THEMIS2: variants seen among roughly 807,000 people sequenced by gnomAD.
THEMIS2 encodes the protein thymocyte selection associated family member 2.
In THEMIS2, 29 loss-of-function variants were observed where a neutral mutation model predicts 46.8. The ratio of observed to expected loss-of-function variants is 0.62; its 90% CI spans 0.46 to 0.84. The LOEUF (loss-of-function observed/expected upper bound fraction) is 0.84. THEMIS2 is among the 40% of genes least tolerant of loss of function. The pLI, the probability that THEMIS2 is intolerant of heterozygous loss-of-function variation, is 0.00. For synonymous variants in THEMIS2, 335 were observed against 349.1 expected (o/e 0.96, Z 0.45); for missense variants, 698 against 834.7 (o/e 0.84, Z 2.02).
In THEMIS2 at chr1:27,879,840, C is replaced by T; in HGVS notation, c.432C>T (p.Ala144=). 1 of 1,613,404 alleles carries T rather than the reference C, an allele frequency of 6.2e-7. No individual in the cohort carries two copies. Among genetic ancestry groups the T allele is most frequent in the Non-Finnish European group, 8.5e-7 (1 of 1,179,404 alleles). Reference sequence around the variant, plus strand: ...TGATGCACCTCGGGATCCGCTCTGCCCGCTGTGTCCTGGGCATGGAGGGTC... The same window carrying T: ...TGATGCACCTCGGGATCCGCTCTGCTCGCTGTGTCCTGGGCATGGAGGGTC... ...AVVMHLGIRS[A]RCVLGMEGQQ... is the part of the protein sequence containing the mutation. The change falls in exon 3 of 6, where the codon GCC becomes GCT. Residue 144 remains alanine (A), a synonymous_variant. Transcript: ENST00000373921.
At chr1:27,877,920 C>T (rs996242218) in intron 2 of THEMIS2, among the ~76,000 whole-genome samples, 41 of 151,850 alleles carry the variant, frequency 2.7e-4, no homozygotes, top group Non-Finnish European at 4.1e-4. Flanking sequence ...GAGGCTGAGG[C>T]GGGTGGATCA....
intron 2 of THEMIS2, among the ~76,000 whole-genome samples, chr1:27,877,091 C>T (rs761757777): frequency 1.3e-5 from 2 of 152,172 alleles, no homozygotes; most frequent in South Asian, 2.1e-4. Context: ...CAGGATGAAT[C>T]AGGTGCCACC....
intron 1 of THEMIS2, among the ~76,000 whole-genome samples, chr1:27,876,223 G>C (rs2089576017): frequency 1.3e-5 from 2 of 151,518 alleles, no homozygotes; most frequent in Admixed American, 1.3e-4. Context: ...GGCTCAGAGA[G>C]GGGGATTCAC....
chr1:27,876,901 G>A (rs1181844278), intron 2 of THEMIS2, among the ~76,000 whole-genome samples, 173 bp downstream of exon 2: 5 of 152,176 alleles, frequency 3.3e-5, no homozygotes, highest in Non-Finnish European at 5.9e-5. Context: ...TCAGAGGGTC[G>A]GCAATGCCCT....
chr1:27,886,015 T>G lies in THEMIS2; in HGVS notation c.*93T>G. ...GCCTCTAAAAGACCTCGGGCAAGTCTCACAGAAACTGAGCTGCAGACGGGG... is the reference window on the plus strand; with the variant it reads ...GCCTCTAAAAGACCTCGGGCAAGTCGCACAGAAACTGAGCTGCAGACGGGG... On this transcript the variant is annotated 3_prime_UTR_variant, in exon 6 of 6. Coordinates refer to ENST00000373921, the MANE Select transcript of THEMIS2 (RefSeq NM_001105556.3). The G allele has an allele frequency of 8.3e-7, 1 of 1,209,402 alleles. No individual in the cohort carries two copies. Among genetic ancestry groups the G allele is most frequent in the Non-Finnish European group, 1.2e-6 (1 of 821,594 alleles). The allele number at this position is 1,209,402 out of a possible 1,614,324, so 74.9% of individuals were successfully genotyped here.
intron 4 of THEMIS2, chr1:27,884,664 G>A (rs1487723098): frequency 6.6e-6 from 1 of 152,414 alleles, no homozygotes; most frequent in East Asian, 1.9e-4. Flanking sequence ...TTGGAATCTT[G>A]GTGCTGATCA....
rs2089705517 is a variant in THEMIS2 at position 27,882,733 on chromosome 1, C to T, written c.1409C>T (p.Thr470Ile). 3 of 1,613,970 alleles carry T rather than the reference C, an allele frequency of 1.9e-6. No individual in the cohort carries two copies. Among genetic ancestry groups the T allele is most frequent in the Non-Finnish European group, 1.7e-6 (2 of 1,179,982 alleles). Reference protein sequence around the residue: ...KDTSHPTDPLTSFLGLRLEEK... With the variant: ...KDTSHPTDPLISFLGLRLEEK... ...ACCAGCCACCCCACTGACCCTCTGA[C>T]CTCCTTCCTGGGCCTGCGGCTGGAG... Residue 470 changes from threonine (T) to isoleucine (I), a missense_variant, in exon 4 of 6, where the codon ACC becomes ATC. Thr to Ile is a moderately conservative substitution (Grantham distance 89). Coordinates refer to ENST00000373921, the MANE Select transcript of THEMIS2 (RefSeq NM_001105556.3). The surrounding 1 kb of genome is among the most constrained non-coding windows in gnomAD (Gnocchi z 7.6).
Position 27,872,914 on chromosome 1 carries a change from T to C in THEMIS2, c.94+249T>C, listed in dbSNP as rs954782780. On this transcript the variant is annotated intron_variant, in intron 1 of 5. Transcript: ENST00000373921. The surrounding 1 kb of genome is among the most constrained non-coding windows in gnomAD (Gnocchi z 4.9). ...AGTCAGTGGGTTGAGGCGCGGGAGG[T>C]GGATGCAGCCGGGCCACTCCTAGGT... 5.9e-5 allele frequency among the ~76,000 whole-genome samples: 9 copies of C among 151,718 alleles called. No individual in the cohort carries two copies. The highest frequency in any genetic ancestry group is 2.6e-4 in the Admixed American group (4 of 15,242).
intron 1 of THEMIS2, among the ~76,000 whole-genome samples, chr1:27,874,291 T>G (rs1349904741): frequency 6.6e-6 from 1 of 151,928 alleles, no homozygotes; most frequent in Non-Finnish European, 1.5e-5. Context: ...TGCCTCGGCC[T>G]CCCAAAGTGT....
rs758341174 is a variant in THEMIS2, at chr1:27,882,333, C to T, written c.1009C>T (p.Leu337Phe). 1 of 1,584,130 alleles carries T rather than the reference C, an allele frequency of 6.3e-7. No individual in the cohort carries two copies. Among genetic ancestry groups the T allele is most frequent in the South Asian group, 1.1e-5 (1 of 87,566 alleles). Residue 337 changes from leucine to phenylalanine, a missense_variant, in exon 4 of 6, where the codon CTC becomes TTC. Coordinates refer to ENST00000373921, the MANE Select transcript of THEMIS2 (RefSeq NM_001105556.3). This position sits in a 1 kb window ranked among gnomAD's most constrained non-coding sequence, Gnocchi z 7.6. ...RPREFPTAYD[L>F]LGAFQPGRPL... ...AAGGGAGTTCCCCACGGCCTATGAC[C>T]TCCTAGGTGCTTTCCAGCCAGGCCG...
Position 27,879,923 on chromosome 1 carries a change from C to G in THEMIS2, c.515C>G (p.Pro172Arg), listed in dbSNP as rs777367255. 7 of 1,611,078 alleles carry G rather than the reference C, an allele frequency of 4.3e-6. No homozygotes were observed. Among genetic ancestry groups the G allele is most frequent in the Admixed American group, 1.7e-5 (1 of 59,522 alleles). The part of the protein sequence containing the change: ...SQKGPFWTWE[P>R]SAPRTLLQVL... ...AAGGGGCCCTTCTGGACATGGGAGC[C>G]TAGTGCCCCTCGAACTCTGCTCCAG... Residue 172 changes from proline (P) to arginine (R), a missense_variant, in exon 3 of 6, where the codon CCT (proline) becomes CGT (arginine). Pro to Arg is a moderately radical substitution (Grantham distance 103). Coordinates refer to ENST00000373921, the MANE Select transcript of THEMIS2 (RefSeq NM_001105556.3).
Position 27,875,869 on chromosome 1 carries a change from T to G in THEMIS2, c.95-719T>G, listed in dbSNP as rs533881831. ...GTGCCCGCCACCATGCCTGGCTAAT[T>G]TTTTTTGTATTTTTAGTAGAGTCGG... On this transcript the variant is annotated intron_variant, in intron 1 of 5. Coordinates refer to ENST00000373921, the MANE Select transcript of THEMIS2 (RefSeq NM_001105556.3). Among the ~76,000 whole-genome samples, 468 of 151,768 alleles carry G rather than the reference T, an allele frequency of 3.1e-3. 1 individual carries two copies. The highest frequency in any genetic ancestry group is 5.0e-3 in the Admixed American group (76 of 15,254).
chr1:27,885,763 C>G (rs2089760113), intron 5 of THEMIS2, 104 bp from the exon 6 acceptor site: 2 of 1,143,198 alleles, frequency 1.7e-6, no homozygotes, highest in African/African-American at 3.1e-5. Context: ...GACCGTAGGG[C>G]ATCCAGGCCA....
At position 27,872,634 on chromosome 1, in the gene THEMIS2, G is replaced by C; in HGVS notation, c.63G>C (p.Val21=). The C allele has an allele frequency of 2.7e-6, 4 of 1,468,366 alleles. No homozygotes were observed. Among genetic ancestry groups the C allele is most frequent in the Non-Finnish European group, 2.7e-6 (3 of 1,110,326 alleles). The allele number at this position is 1,468,366 out of a possible 1,614,324, so 91.0% of individuals were successfully genotyped here. The change falls in exon 1 of 6, where the codon GTG becomes GTC. Residue 21 remains valine (V), a synonymous_variant. Transcript: ENST00000373921. The surrounding 1 kb of genome is among the most constrained non-coding windows in gnomAD (Gnocchi z 4.9). ...RALDPASLPR[V]LRVCSGVYFE... ...TGGACCCCGCCTCCCTCCCGCGCGT[G>C]CTGCGGGTCTGCTCGGGGGTCTACT...
At chr1:27,880,405 T>G (rs1368771027) in intron 3 of THEMIS2, among the ~76,000 whole-genome samples, 3 of 152,152 alleles carry the variant, frequency 2.0e-5, no homozygotes, top group African/African-American at 7.2e-5. Flanking sequence ...AGGCAGGTCT[T>G]GAACTCCTGA....
intron 1 of THEMIS2, among the ~76,000 whole-genome samples, chr1:27,876,185 A>G (rs1275655893): frequency 1.4e-5 from 2 of 144,714 alleles, no homozygotes; most frequent in South Asian, 2.2e-4. Context: ...GGGAATCCCA[A>G]CTCCCTTAGT....
In THEMIS2 at chr1:27,872,552, C is replaced by A; in HGVS notation, c.-20C>A. 1 of 1,478,670 alleles carries A rather than the reference C, an allele frequency of 6.8e-7. No individual in the cohort carries two copies. Among genetic ancestry groups the A allele is most frequent in the East Asian group, 3.0e-5 (1 of 33,878 alleles). The allele number at this position is 1,478,670 out of a possible 1,614,324, so 91.6% of individuals were successfully genotyped here. ...CCGCCCGCCCGCCCCTCAGTCTGAGCCCAGAGAGCCGCGGGGACCATGGAG... is the reference window on the plus strand; with the variant it reads ...CCGCCCGCCCGCCCCTCAGTCTGAGACCAGAGAGCCGCGGGGACCATGGAG... On this transcript the variant is annotated 5_prime_UTR_variant, in exon 1 of 6. Coordinates refer to ENST00000373921, the MANE Select transcript of THEMIS2 (RefSeq NM_001105556.3). The surrounding 1 kb of genome is among the most constrained non-coding windows in gnomAD (Gnocchi z 4.9).
chr1:27,878,137 A>C (rs1021643553), intron 2 of THEMIS2, among the ~76,000 whole-genome samples: 19 of 150,940 alleles, frequency 1.3e-4, no homozygotes, highest in Non-Finnish European at 2.7e-4. Flanking sequence ...AAAAAAAAAA[A>C]AAAAGTGGGG....
intron 2 of THEMIS2, 97 bp downstream of exon 2, chr1:27,876,825 C>G (rs1384790483): frequency 1.7e-5 from 25 of 1,472,870 alleles, no homozygotes; most frequent in Non-Finnish European, 2.3e-5. Context: ...GTCACTCCCT[C>G]CCCTCGGGGT....
Sources: allele counts gnomAD v4.1 joint callset (sites outside exome capture counted in the v4.1 genomes callset), GRCh38; gene constraint gnomAD v4.1.1; non-coding constraint Gnocchi (gnomAD v3.1); transcripts MANE v1.5; gene names NCBI Gene and HGNC (gene_info 2026-07-23, HGNC 2026-07-21).